VWCE: variants seen among roughly 807,000 people sequenced by gnomAD.
VWCE encodes von Willebrand factor C and EGF domains.
In VWCE, 68 loss-of-function variants were observed where a neutral mutation model predicts 102.9. That is an observed-to-expected ratio of 0.66 (90% CI 0.54 to 0.81). The LOEUF (loss-of-function observed/expected upper bound fraction) is 0.81, where lower values mean the gene tolerates loss of function less well. Ranked by LOEUF, VWCE falls within the 30% of genes least tolerant of loss-of-function variation. VWCE has a pLI of 0.00. For synonymous variants in VWCE, 497 were observed against 515.4 expected (o/e 0.96, Z 0.48); for missense variants, 1,137 against 1,263.6 (o/e 0.90, Z 1.52).
At chr11:61,261,606 G>GT (rs1187413389) in intron 19 of VWCE, among the ~76,000 whole-genome samples, 3 of 151,354 alleles carry the variant, frequency 2.0e-5, no homozygotes, top group Non-Finnish European at 2.9e-5. Flanking sequence ...AATTAACCAA[G>GT]TGTTTATCAC....
At chr11:61,265,331 G>T in intron 16 of VWCE, 119 bp from the exon 17 acceptor site, 1 of 919,212 alleles carries the variant, frequency 1.1e-6, no homozygotes, top group Non-Finnish European at 1.6e-6. Context: ...TGTGGGAGGA[G>T]TCCATGGTGG....
In VWCE at chr11:61,280,900, C is replaced by A; in HGVS notation, c.1123G>T (p.Glu375Ter). The A allele has an allele frequency of 1.3e-6, 2 of 1,530,690 alleles. No homozygotes were observed. The highest frequency in any genetic ancestry group is 1.8e-6 in the Non-Finnish European group (2 of 1,141,258). 94.8% of individuals were successfully genotyped at this position (1,530,690 alleles called of 1,614,324 possible). A position where few individuals can be genotyped will look rare whatever the true frequency, so the allele number is the denominator to read the frequency against. ...GGCCCTGCTGCCAGTCGGGGGGACT[C>A]AGGGCCCCTGGGTGAGGAAGGGGTC... ...MGTPSSPRGPESPRLAAGPSP... is the reference protein window; with the variant it reads ...MGTPSSPRGP The change falls in exon 8 of 20, where the codon GAG (glutamate) becomes TAG (stop). Residue 375 changes from glutamate to a stop codon, truncating the protein, a stop_gained. Coordinates refer to ENST00000335613, the MANE Select transcript of VWCE (RefSeq NM_152718.2). LOFTEE classifies it high-confidence loss of function.
rs369447197 is a variant in VWCE at position 61,267,444 on chromosome 11, G to T, written c.1965+18C>A. On this transcript the variant is annotated intron_variant, in intron 16 of 19. Coordinates refer to ENST00000335613, the MANE Select transcript of VWCE (RefSeq NM_152718.2). The stretch of plus-strand genomic sequence containing the variant: ...GGGGAGTTTCCAGGGGCGGGAGTCA[G>T]ATCTGGGTGGTCCATACCAGGCAGA... 6.2e-7 allele frequency: 1 copy of T among 1,613,566 alleles called. No individual in the cohort carries two copies. Among genetic ancestry groups the T allele is most frequent in the Non-Finnish European group, 8.5e-7 (1 of 1,179,510 alleles).
chr11:61,288,582 T>G (rs1219884986), intron 4 of VWCE, among the ~76,000 whole-genome samples: 1 of 152,248 alleles, frequency 6.6e-6, no homozygotes, highest in Admixed American at 6.5e-5. Flanking sequence ...AGTGCCACCC[T>G]GTCCTGCAAG....
chr11:61,260,586 C>T (rs963429801), intron 19 of VWCE, among the ~76,000 whole-genome samples: 4 of 152,120 alleles, frequency 2.6e-5, no homozygotes, highest in Admixed American at 1.3e-4. Flanking sequence ...GTGTGATCCA[C>T]GGTGCCCAGC....
chr11:61,287,664 G>T (rs1377795669), intron 4 of VWCE, among the ~76,000 whole-genome samples: 1 of 152,194 alleles, frequency 6.6e-6, no homozygotes, highest in Non-Finnish European at 1.5e-5. Flanking sequence ...TGACAGACTG[G>T]CCCAGGCAGG....
At chr11:61,263,488 G>A (rs1854417079) in intron 19 of VWCE, among the ~76,000 whole-genome samples, 1 of 152,186 alleles carries the variant, frequency 6.6e-6, no homozygotes, top group African/African-American at 2.4e-5. Context: ...AAGGCTGGCA[G>A]GGGCGAGGGG....
At chr11:61,291,146 A>T in intron 3 of VWCE, 118 bp downstream of exon 3, 1 of 1,240,408 alleles carries the variant, frequency 8.1e-7, no homozygotes, top group Non-Finnish European at 1.1e-6. Flanking sequence ...CAAAATGTCT[A>T]CCTAATGGAG....
In VWCE at chr11:61,282,922, C is replaced by T. The variant is rs372827321; in HGVS notation, c.542-17G>A. Reference sequence around the variant, plus strand: ...CGTCAGTGTCTGGCAGGAAAAGGGACAAGACTGGGGTTCATTTCCCCAACA... The same window carrying T: ...CGTCAGTGTCTGGCAGGAAAAGGGATAAGACTGGGGTTCATTTCCCCAACA... On this transcript the variant is annotated splice_polypyrimidine_tract_variant and intron_variant, in intron 5 of 19. Coordinates refer to ENST00000335613, the MANE Select transcript of VWCE (RefSeq NM_152718.2). The T allele has an allele frequency of 1.1e-5, 17 of 1,602,262 alleles. No individual in the cohort carries two copies. The African/African-American group carries it at 2.1e-4, about 20-fold the overall frequency.
intron 4 of VWCE, among the ~76,000 whole-genome samples, chr11:61,287,756 C>T (rs1484145943): frequency 6.6e-6 from 1 of 152,186 alleles, no homozygotes; most frequent in Non-Finnish European, 1.5e-5. Context: ...GTCTGAGGTG[C>T]TTCCAGGCAG....
chr11:61,268,852 T>C, intron 15 of VWCE, 70 bp downstream of exon 15: 2 of 1,497,942 alleles, frequency 1.3e-6, no homozygotes, highest in Non-Finnish European at 1.9e-6. Context: ...ATGAAGGCTG[T>C]ATAGGGCTTA....
At chr11:61,259,993 C>A (rs1021705816) in intron 19 of VWCE, among the ~76,000 whole-genome samples, 2 of 152,180 alleles carry the variant, frequency 1.3e-5, no homozygotes, top group South Asian at 2.1e-4. Context: ...CAGTGGCTCA[C>A]GCCTGTAATC....
chr11:61,268,073 TA>T (rs1317805948), intron 15 of VWCE, among the ~76,000 whole-genome samples: 2 of 151,134 alleles, frequency 1.3e-5, no homozygotes, highest in African/African-American at 4.9e-5. Context: ...GGGGAAGCTT[TA>T]AAAAAATAAA....
intron 4 of VWCE, among the ~76,000 whole-genome samples, chr11:61,290,511 CAA>C (rs35585461): frequency 2.6e-4 from 13 of 50,408 alleles, no homozygotes; most frequent in East Asian, 5.9e-4. Context: ...AACTTCGTCT[CAA>C]AAAAAAAAAA....
Position 61,294,022 on chromosome 11 carries a change from G to T in VWCE, c.110+906C>A, listed in dbSNP as rs1423680950. ...CCTTGGGACTCTCAGAAACGGACAG[G>T]CAGTGCCACCAAGGCGGCAGATAAA... On this transcript the variant is annotated intron_variant, in intron 1 of 19. Coordinates refer to ENST00000335613, the MANE Select transcript of VWCE (RefSeq NM_152718.2). This position sits in a 1 kb window ranked among gnomAD's most constrained non-coding sequence, Gnocchi z 6.3. Among the ~76,000 whole-genome samples the T allele has an allele frequency of 6.6e-6, 1 of 152,204 alleles. No individual in the cohort carries two copies. The highest frequency in any genetic ancestry group is 1.9e-4 in the East Asian group (1 of 5,196).
rs1017274140 is a variant in VWCE at position 61,258,341 on chromosome 11, G to C, written c.*334C>G. ...AACCTCAGAGAGACGCATGACACCTGGCGGTACAGTCCCAGTGAGTGGAAT... is the reference window on the plus strand; with the variant it reads ...AACCTCAGAGAGACGCATGACACCTCGCGGTACAGTCCCAGTGAGTGGAAT... On this transcript the variant is annotated 3_prime_UTR_variant, in exon 20 of 20. Transcript: ENST00000335613. 1 of 204,392 alleles carries C rather than the reference G, an allele frequency of 4.9e-6. No homozygotes were observed. The highest frequency in any genetic ancestry group is 9.7e-6 in the Non-Finnish European group (1 of 102,996). 12.7% of individuals were successfully genotyped at this position (204,392 alleles called of 1,614,324 possible).
chr11:61,273,244 G>A lies in VWCE; in HGVS notation c.1654C>T (p.Pro552Ser). The A allele has an allele frequency of 6.2e-7, 1 of 1,613,400 alleles. No individual in the cohort carries two copies. The highest frequency in any genetic ancestry group is 8.5e-7 in the Non-Finnish European group (1 of 1,179,746). The change falls in exon 13 of 20, where the codon CCT becomes TCT. Residue 552 changes from proline (P) to serine (S), a missense_variant. Transcript: ENST00000335613. The part of the protein sequence containing the change: ...ACPREEWRLG[P>S]GQCCFTCQEP... Reference sequence around the variant, plus strand: ...TGGCAGGTGAAGCAACACTGCCCAGGGCCCAGCCGCCACTCTTCTCGGGGG... The same window carrying A: ...TGGCAGGTGAAGCAACACTGCCCAGAGCCCAGCCGCCACTCTTCTCGGGGG...
Position 61,280,780 on chromosome 11 carries a change from C to A in VWCE, c.1230+13G>T. On this transcript the variant is annotated intron_variant, in intron 8 of 19. Transcript: ENST00000335613. ...CCCAGACCAAGGAAGCTCCGGGGAC[C>A]CCTAGTACCCACCTCGCACCAGCAC... The A allele has an allele frequency of 6.2e-7, 1 of 1,607,732 alleles. No individual in the cohort carries two copies. Among genetic ancestry groups the A allele is most frequent in the Non-Finnish European group, 8.5e-7 (1 of 1,176,892 alleles).
At chr11:61,287,466 G>C (rs1590655620) in intron 4 of VWCE, among the ~76,000 whole-genome samples, 1 of 152,360 alleles carries the variant, frequency 6.6e-6, no homozygotes, top group East Asian at 1.9e-4. Context: ...AATCAACAGA[G>C]TCATTCTCTT....
Sources: allele counts gnomAD v4.1 joint callset (sites outside exome capture counted in the v4.1 genomes callset), GRCh38; gene constraint gnomAD v4.1.1; non-coding constraint Gnocchi (gnomAD v3.1); transcripts MANE v1.5; gene names NCBI Gene and HGNC (gene_info 2026-07-23, HGNC 2026-07-21).